Variants in ERC2 observed in about 807,000 individuals in gnomAD.
ERC2 encodes ERC protein 2.
A neutral mutation model predicts 114.8 loss-of-function variants in ERC2; 42 were observed. The ratio of observed to expected loss-of-function variants is 0.37; its 90% CI spans 0.29 to 0.47. ERC2 has a LOEUF of 0.47. ERC2 is among the 20% of genes least tolerant of loss of function. The pLI is 0.99. For synonymous variants in ERC2, 454 were observed against 425.5 expected, an observed-to-expected ratio of 1.07 and a Z score of -0.82; for missense variants, 939 against 1,150.7, an observed-to-expected ratio of 0.82 and a Z score of 2.66.
intron 3 of ERC2, among the ~76,000 whole-genome samples, chr3:56,175,509 A>C (rs1485867305): frequency 1.3e-5 from 2 of 152,130 alleles, no homozygotes; most frequent in Non-Finnish European, 2.9e-5. Flanking sequence ...AGATTTTCTG[A>C]AGGAAGGACC....
chr3:55,805,804 C>A (rs1410904955), intron 14 of ERC2, among the ~76,000 whole-genome samples: 1 of 152,172 alleles, frequency 6.6e-6, no homozygotes, highest in Non-Finnish European at 1.5e-5. Context: ...ATACTTTCCT[C>A]CTAGTCTTTG....
chr3:56,136,898 T>C (rs2080540106), intron 6 of ERC2, among the ~76,000 whole-genome samples: 2 of 152,226 alleles, frequency 1.3e-5, no homozygotes, highest in South Asian at 4.1e-4. Flanking sequence ...GCAGAAGACT[T>C]AGAAAATCAT....
At chr3:55,739,426 T>C (rs544909418) in intron 14 of ERC2, among the ~76,000 whole-genome samples, 1 of 152,280 alleles carries the variant, frequency 6.6e-6, no homozygotes, top group East Asian at 1.9e-4. Flanking sequence ...CATCTGTTGT[T>C]TCCTGACTTT....
At chr3:56,313,567 G>A (rs748890651) in intron 2 of ERC2, among the ~76,000 whole-genome samples, 243 of 152,298 alleles carry the variant, frequency 1.6e-3, no homozygotes, top group Non-Finnish European at 2.6e-3. Flanking sequence ...AGGATATCAA[G>A]ACATCTCCCC....
intron 14 of ERC2, among the ~76,000 whole-genome samples, chr3:55,774,102 C>T (rs750127362): frequency 3.9e-5 from 6 of 152,124 alleles, no homozygotes; most frequent in Non-Finnish European, 7.3e-5. Context: ...ACCTGGAGCA[C>T]CCTCATTCAA....
At chr3:56,232,135 T>C (rs950943302) in intron 3 of ERC2, among the ~76,000 whole-genome samples, 19 of 114,836 alleles carry the variant, frequency 1.7e-4, no homozygotes, top group Non-Finnish European at 2.9e-4. Flanking sequence ...CACTCCTGGC[T>C]TTTTTTTTTT....
chr3:56,399,959 C>G (rs1038964570), intron 2 of ERC2, among the ~76,000 whole-genome samples: 1 of 151,910 alleles, frequency 6.6e-6, no homozygotes, highest in Non-Finnish European at 1.5e-5. Flanking sequence ...AGTAAGTGAG[C>G]CTTTTAAAAT....
intron 6 of ERC2, among the ~76,000 whole-genome samples, chr3:56,084,232 T>C (rs2077388959): frequency 6.6e-6 from 1 of 152,146 alleles, no homozygotes; most frequent in Non-Finnish European, 1.5e-5. Flanking sequence ...GGCTTGGATG[T>C]GGTGGAAAGG....
chr3:56,076,129 C>A (rs1323325751), intron 7 of ERC2, among the ~76,000 whole-genome samples: 1 of 152,166 alleles, frequency 6.6e-6, no homozygotes, highest in Non-Finnish European at 1.5e-5. Context: ...CCACAAAGTT[C>A]AGTAGGCAGC....
At chr3:55,628,422 T>C (rs1017785120) in intron 17 of ERC2, among the ~76,000 whole-genome samples, 1 of 152,264 alleles carries the variant, frequency 6.6e-6, no homozygotes, top group Non-Finnish European at 1.5e-5. Context: ...TGCAGGTCTA[T>C]GATATACATA....
chr3:55,606,198 G>A (rs75334198), intron 17 of ERC2, among the ~76,000 whole-genome samples: 18,126 of 152,174 alleles, frequency 0.12, 1,206 homozygotes, highest in South Asian at 0.24. Context: ...GGTTCAGTAG[G>A]AAGCTCTCTG....
At chr3:55,687,276 T>G (rs936579210) in intron 16 of ERC2, among the ~76,000 whole-genome samples, 1 of 152,172 alleles carries the variant, frequency 6.6e-6, no homozygotes, top group African/African-American at 2.4e-5. Flanking sequence ...AGAAACTCTA[T>G]AATCTGACAT....
At chr3:55,587,827 AC>A (rs1372527462) in intron 17 of ERC2, among the ~76,000 whole-genome samples, 14 of 152,300 alleles carry the variant, frequency 9.2e-5, no homozygotes, top group African/African-American at 3.4e-4. Flanking sequence ...CCTAGTAATG[AC>A]CTTTTAAACC....
At chr3:56,004,183 C>T (rs2072290630) in intron 10 of ERC2, among the ~76,000 whole-genome samples, 1 of 151,970 alleles carries the variant, frequency 6.6e-6, no homozygotes, top group African/African-American at 2.4e-5. Flanking sequence ...GATTTCTAAT[C>T]ACATAGGGTA....
intron 17 of ERC2, among the ~76,000 whole-genome samples, chr3:55,556,433 C>T (rs1231994744): frequency 6.6e-6 from 1 of 152,218 alleles, no homozygotes; most frequent in Non-Finnish European, 1.5e-5. Flanking sequence ...AAGTTCCCAC[C>T]TCCTCCACTT....
chr3:55,538,372 C>A (rs1575511270), intron 17 of ERC2, among the ~76,000 whole-genome samples: 1 of 152,180 alleles, frequency 6.6e-6, no homozygotes, highest in African/African-American at 2.4e-5. Context: ...CAAAGGGGTT[C>A]CACCAGGGGT....
intron 3 of ERC2, among the ~76,000 whole-genome samples, chr3:56,232,858 T>C (rs1012955752): frequency 1.3e-5 from 2 of 152,224 alleles, no homozygotes; most frequent in Non-Finnish European, 2.9e-5. Context: ...ACCAGGGCCT[T>C]CTGCCTCAGA....
intron 17 of ERC2, among the ~76,000 whole-genome samples, chr3:55,641,509 C>T (rs1178572800): frequency 7.5e-6 from 1 of 132,514 alleles, no homozygotes; most frequent in Non-Finnish European, 1.5e-5. Context: ...AGGATCCCGC[C>T]ATTGCACTAT....
chr3:56,347,087 C>T (rs982545967), intron 2 of ERC2, among the ~76,000 whole-genome samples: 7 of 152,100 alleles, frequency 4.6e-5, no homozygotes, highest in African/African-American at 1.2e-4. Flanking sequence ...AAGAAATCAG[C>T]AATTTAATCC....
Sources: gnomAD v4.1 joint callset for allele counts (sites outside exome capture counted in the v4.1 genomes callset) on GRCh38, gnomAD v4.1.1 for gene constraint, MANE v1.5 for transcripts, NCBI Gene and HGNC (gene_info 2026-07-23, HGNC 2026-07-21) for gene names.